FUT8: variants seen among roughly 807,000 people sequenced by gnomAD.
The protein encoded by FUT8 is alpha-(1,6)-fucosyltransferase.
In FUT8, 29 loss-of-function variants were observed where a neutral mutation model predicts 71.3. That is an observed-to-expected ratio of 0.41 (90% CI 0.30 to 0.55). FUT8 has a LOEUF of 0.55. FUT8 is among the 20% of genes least tolerant of loss of function. The probability of loss-of-function intolerance (pLI) is 0.34; values close to 1 mark genes in which losing one functional copy is unlikely to be tolerated. For missense variants in FUT8, 544 were observed against 702.1 expected, an observed-to-expected ratio of 0.77 and a Z score of 2.55; for synonymous variants, 254 against 239.3, an observed-to-expected ratio of 1.06 and a Z score of -0.57.
chr14:65,427,109 G>A (rs1276545526), intron 1 of FUT8, among the ~76,000 whole-genome samples: 2 of 152,070 alleles, frequency 1.3e-5, no homozygotes, highest in Admixed American at 6.5e-5. Flanking sequence ...TGATCCGCCC[G>A]CCTTGGCCTC....
At chr14:65,711,511 T>C (rs1894811016) in intron 7 of FUT8, among the ~76,000 whole-genome samples, 1 of 152,180 alleles carries the variant, frequency 6.6e-6, no homozygotes, top group Non-Finnish European at 1.5e-5. Flanking sequence ...AAAAAAATTC[T>C]CCTTCTTGCT....
intron 7 of FUT8, among the ~76,000 whole-genome samples, chr14:65,714,016 G>A (rs184814115): frequency 5.9e-5 from 9 of 152,304 alleles, no homozygotes; most frequent in African/African-American, 2.2e-4. Flanking sequence ...TTAGATTTAA[G>A]TCTTTAATCC....
At chr14:65,604,555 A>G (rs967806568) in intron 3 of FUT8, among the ~76,000 whole-genome samples, 2 of 151,910 alleles carry the variant, frequency 1.3e-5, no homozygotes, top group East Asian at 1.9e-4. Context: ...AAACTGAACA[A>G]TAATAGTGAT....
chr14:65,706,070 G>A (rs1894537493), intron 7 of FUT8, among the ~76,000 whole-genome samples: 1 of 152,176 alleles, frequency 6.6e-6, no homozygotes, highest in African/African-American at 2.4e-5. Context: ...CAGCCATTGT[G>A]CTAAGCTTTC....
chr14:65,390,420 G>T, the FUT8 span, among the ~76,000 whole-genome samples: 3 of 151,392 alleles, frequency 2.0e-5, no homozygotes, highest in African/African-American at 7.3e-5. Flanking sequence ...GGGACTAGGG[G>T]ATAGTGTAGA....
chr14:65,479,937 G>A (rs1472087049), intron 2 of FUT8, among the ~76,000 whole-genome samples: 1 of 151,866 alleles, frequency 6.6e-6, no homozygotes, highest in Non-Finnish European at 1.5e-5. Flanking sequence ...GAGAATGGGG[G>A]AATTGGATTT....
At chr14:65,536,966 CTTCT>C (rs1334170346) in intron 2 of FUT8, among the ~76,000 whole-genome samples, 8 of 117,490 alleles carry the variant, frequency 6.8e-5, no homozygotes, top group African/African-American at 1.6e-4. Flanking sequence ...TCATCTTCTT[CTTCT>C]TTTTTTTTTT....
upstream of FUT8, chr14:65,411,285 A>AT (rs2065120786): frequency 6.7e-6 from 1 of 149,168 alleles, no homozygotes; most frequent in African/African-American, 2.5e-5. Flanking sequence ...TTTCCTTTCA[A>AT]TTTTCTTTTC....
At chr14:65,723,630 A>G (rs1331907282) in intron 8 of FUT8, among the ~76,000 whole-genome samples, 1 of 152,182 alleles carries the variant, frequency 6.6e-6, no homozygotes. Flanking sequence ...ATCCAGGTCT[A>G]TGTTTTCCTG....
At chr14:65,519,364 A>G (rs1216335602) in intron 2 of FUT8, among the ~76,000 whole-genome samples, 1 of 152,240 alleles carries the variant, frequency 6.6e-6, no homozygotes, top group Non-Finnish European at 1.5e-5. Flanking sequence ...ATGTTGAATT[A>G]AACAAAGTAA....
chr14:65,391,957 A>G, the FUT8 span, among the ~76,000 whole-genome samples: 1 of 151,382 alleles, frequency 6.6e-6, no homozygotes, highest in African/African-American at 2.4e-5. Context: ...TTTGAGATGG[A>G]GTTTTGCTCT....
At chr14:65,543,964 C>A (rs962545833) in intron 2 of FUT8, among the ~76,000 whole-genome samples, 21 of 152,078 alleles carry the variant, frequency 1.4e-4, no homozygotes, top group Non-Finnish European at 2.5e-4. Context: ...TCATTGAACC[C>A]CATTGAATTA....
intron 7 of FUT8, among the ~76,000 whole-genome samples, chr14:65,709,376 T>C (rs1894709052): frequency 6.6e-6 from 1 of 152,206 alleles, no homozygotes; most frequent in South Asian, 2.1e-4. Flanking sequence ...CATATGAGAT[T>C]ACTTTAGGCA....
intron 2 of FUT8, among the ~76,000 whole-genome samples, chr14:65,493,487 G>A (rs1047207057): frequency 6.6e-6 from 1 of 152,070 alleles, no homozygotes; most frequent in Admixed American, 6.6e-5. Context: ...TGACAAAAAA[G>A]GAAATAATGG....
At chr14:65,452,821 T>C (rs116476115) in intron 1 of FUT8, among the ~76,000 whole-genome samples, 1,671 of 152,308 alleles carry the variant, frequency 0.011, 32 homozygotes, top group African/African-American at 0.038. Flanking sequence ...GTAGAGGACT[T>C]CCAACGTTCT....
chr14:65,476,383 A>G (rs2066239635), intron 2 of FUT8, among the ~76,000 whole-genome samples: 4 of 152,194 alleles, frequency 2.6e-5, no homozygotes, highest in Admixed American at 2.6e-4. Flanking sequence ...ATCATTGTTA[A>G]TAAGGTGATA....
chr14:65,389,416 G>A, the FUT8 span, among the ~76,000 whole-genome samples: 9 of 151,216 alleles, frequency 6.0e-5, no homozygotes, highest in South Asian at 2.1e-4. Context: ...AGTTGCCCAA[G>A]CTGGAGTGCC....
At chr14:65,656,808 A>C (rs1891705419) in intron 6 of FUT8, among the ~76,000 whole-genome samples, 1 of 152,200 alleles carries the variant, frequency 6.6e-6, no homozygotes, top group Non-Finnish European at 1.5e-5. Flanking sequence ...CGGCATATAG[A>C]CCATAGACCA....
At chr14:65,546,843 G>A (rs1885012186) in intron 2 of FUT8, among the ~76,000 whole-genome samples, 1 of 151,442 alleles carries the variant, frequency 6.6e-6, no homozygotes, top group Non-Finnish European at 1.5e-5. Context: ...AAGCAATATG[G>A]GCCTAGAGTT....
Sources: gnomAD v4.1 joint callset for allele counts (sites outside exome capture counted in the v4.1 genomes callset) on GRCh38, gnomAD v4.1.1 for gene constraint, MANE v1.5 for transcripts, NCBI Gene and HGNC (gene_info 2026-07-23, HGNC 2026-07-21) for gene names.